The following CFAP97 variants were observed in gnomAD, a reference collection of about 807,000 sequenced individuals.
The protein encoded by CFAP97 is cilia- and flagella-associated protein 97.
CFAP97 carries 36 observed loss-of-function variants against 43.1 expected under a neutral mutation model. That is an observed-to-expected ratio of 0.84 (90% CI 0.64 to 1.10). The LOEUF (loss-of-function observed/expected upper bound fraction) is 1.10, where lower values mean the gene tolerates loss of function less well. Among genes scored for constraint, CFAP97 ranks in the 50% least tolerant of loss-of-function variants. The pLI is 0.00. For synonymous variants in CFAP97, 228 were observed against 225.7 expected (o/e 1.01, Z -0.09); for missense variants, 657 against 620.3 (o/e 1.06, Z -0.63).
At chr4:185,199,882 T>C (rs1321266713) in intron 1 of CFAP97, among the ~76,000 whole-genome samples, 2 of 152,160 alleles carry the variant, frequency 1.3e-5, no homozygotes, top group Admixed American at 6.5e-5. Flanking sequence ...GGTCACCCAA[T>C]AGCTCTAATG....
chr4:185,201,548 C>T (rs146438323), intron 1 of CFAP97, among the ~76,000 whole-genome samples: 344 of 152,268 alleles, frequency 2.3e-3, no homozygotes, highest in African/African-American at 8.0e-3. Flanking sequence ...AAAAAAATTA[C>T]AACTCCCTGA....
intron 2 of CFAP97, among the ~76,000 whole-genome samples, chr4:185,184,464 T>A (rs1018778346): frequency 3.3e-5 from 5 of 152,156 alleles, no homozygotes; most frequent in African/African-American, 1.2e-4. Context: ...CTTTAAGAAG[T>A]TTCCTCCATT....
In CFAP97 at chr4:185,190,889, A is replaced by T; in HGVS notation, c.308T>A (p.Leu103Ter). The T allele has an allele frequency of 6.2e-7, 1 of 1,613,278 alleles. No homozygotes were observed. Among genetic ancestry groups the T allele is most frequent in the South Asian group, 1.1e-5 (1 of 90,954 alleles). ...TTTAAGTCCTGTTGTAACATCACAC[A>T]ATTTTTTTGATCTTGAAGAGGCTGG... ...SLPASSRSKKLCDVTTGLKIH... is the reference protein window; with the variant it reads ...SLPASSRSKK The change falls in exon 2 of 5, where the codon TTG (leucine) becomes TAG (stop). Residue 103 changes from leucine (L) to a stop codon, truncating the protein, a stop_gained. Coordinates refer to ENST00000458385, the MANE Select transcript of CFAP97 (RefSeq NM_020827.3). LOFTEE classifies it high-confidence loss of function.
chr4:185,203,290 G>C (rs78195030), intron 1 of CFAP97, among the ~76,000 whole-genome samples: 4,576 of 152,344 alleles, frequency 0.03, 103 homozygotes, highest in Middle Eastern at 0.071. Flanking sequence ...AGGTCCTACA[G>C]ACCAGCAATA....
In CFAP97 at chr4:185,160,946, T is replaced by G. The variant is rs1202752174; in HGVS notation, c.*1852A>C. ...ATATATATAAAACATATATATATAT[T>G]TTTTTCTGGAACAACTTAAAAATCA... On this transcript the variant is annotated 3_prime_UTR_variant, in exon 5 of 5. Coordinates refer to ENST00000458385, the MANE Select transcript of CFAP97 (RefSeq NM_020827.3). The G allele has an allele frequency of 6.7e-6, 1 of 148,196 alleles. No individual in the cohort carries two copies. Among genetic ancestry groups the G allele is most frequent in the Admixed American group, 6.7e-5 (1 of 14,832 alleles). The allele number at this position is 148,196 out of a possible 1,614,324, so 9.2% of individuals were successfully genotyped here. A position where few individuals can be genotyped will look rare whatever the true frequency, so the allele number is the denominator to read the frequency against.
chr4:185,194,620 T>C (rs752226405), intron 1 of CFAP97, among the ~76,000 whole-genome samples: 1 of 152,212 alleles, frequency 6.6e-6, no homozygotes, highest in Admixed American at 6.5e-5. Flanking sequence ...CTCCAACTCC[T>C]GGGCTCAAGT....
At chr4:185,204,865 A>G (rs1338013015), upstream of CFAP97, among the ~76,000 whole-genome samples, 1 of 152,210 alleles carries the variant, frequency 6.6e-6, no homozygotes, top group Non-Finnish European at 1.5e-5. Flanking sequence ...TCAGGAAGGA[A>G]CTAGAGCCTG....
At chr4:185,173,121 T>TG (rs1735370870) in intron 3 of CFAP97, among the ~76,000 whole-genome samples, 2 of 151,968 alleles carry the variant, frequency 1.3e-5, no homozygotes, top group Non-Finnish European at 2.9e-5. Context: ...CCCAGCACTT[T>TG]GGGAGGCAGA....
chr4:185,202,193 T>C (rs1484316594), intron 1 of CFAP97, among the ~76,000 whole-genome samples: 4 of 152,162 alleles, frequency 2.6e-5, no homozygotes, highest in East Asian at 1.9e-4. Flanking sequence ...AGATTTAAGA[T>C]TGAGCCATGC....
At chr4:185,201,062 G>A (rs1168648940) in intron 1 of CFAP97, among the ~76,000 whole-genome samples, 4 of 152,142 alleles carry the variant, frequency 2.6e-5, no homozygotes, top group South Asian at 2.1e-4. Flanking sequence ...TGTGGCTCAC[G>A]CCTGTAATCC....
In CFAP97 at chr4:185,175,831, A is replaced by C. The variant is rs1735497482; in HGVS notation, c.1275T>G (p.Ala425=). Residue 425 remains alanine, a synonymous_variant, in exon 3 of 5, where the codon GCT becomes GCG. Coordinates refer to ENST00000458385, the MANE Select transcript of CFAP97 (RefSeq NM_020827.3). ...TTTGTTGTTCCTTCTGTCTGTTGAG[A>C]GCACTGTGATATAACTTTGGGGGAT... ...ADHPPKLYHS[A]LNRQKEQQRI... is the part of the protein sequence containing the mutation. 5 of 1,613,892 alleles carry C rather than the reference A, an allele frequency of 3.1e-6. No individual in the cohort carries two copies. Among genetic ancestry groups the C allele is most frequent in the Non-Finnish European group, 4.2e-6 (5 of 1,179,840 alleles).
Position 185,164,283 on chromosome 4 carries a change from TTAA to T in CFAP97, c.1321-107_1321-105del. The T allele has an allele frequency of 2.1e-5, 25 of 1,189,444 alleles. No homozygotes were observed. In the South Asian group the frequency reaches 3.5e-4, roughly 17 times the overall value. The allele number at this position is 1,189,444 out of a possible 1,614,324, so 73.7% of individuals were successfully genotyped here. A position where few individuals can be genotyped will look rare whatever the true frequency, so the allele number is the denominator to read the frequency against. ...ACATTCACTTTCTTTCTTTTTTTTT[TTAA>T]GAGACAAGATCTTACTCTGTCACTC... On this transcript the variant is annotated intron_variant, in intron 3 of 4. Transcript: ENST00000458385.
chr4:185,160,861 T>C lies in CFAP97; in HGVS notation c.*1937A>G, dbSNP rs371123345. The C allele has an allele frequency of 1.3e-4, 19 of 146,990 alleles. No homozygotes were observed. Among genetic ancestry groups the C allele is most frequent in the Non-Finnish European group, 2.4e-4 (16 of 66,572 alleles). 9.1% of individuals were successfully genotyped at this position (146,990 alleles called of 1,614,324 possible). A position where few individuals can be genotyped will look rare whatever the true frequency, so the allele number is the denominator to read the frequency against. On this transcript the variant is annotated 3_prime_UTR_variant, in exon 5 of 5. Coordinates refer to ENST00000458385, the MANE Select transcript of CFAP97 (RefSeq NM_020827.3). The stretch of plus-strand genomic sequence containing the variant: ...ATCTTTATATATATATAAAAATCTT[T>C]TTTAAAAGATTTTTAAAATAAAATT...
intron 2 of CFAP97, among the ~76,000 whole-genome samples, chr4:185,180,769 G>A (rs1448993304): frequency 6.6e-6 from 1 of 151,914 alleles, no homozygotes; most frequent in South Asian, 2.1e-4. Context: ...GATTGACTAA[G>A]TTAAAAACTT....
At chr4:185,209,919 C>T (rs1737468394), upstream of CFAP97, 15 of 983,242 alleles carry the variant, frequency 1.5e-5, no homozygotes, top group Non-Finnish European at 1.8e-5. This position sits in a 1 kb window ranked among gnomAD's most constrained non-coding sequence, Gnocchi z 5.2. Flanking sequence ...GCTTCAGGGG[C>T]GAGCGGCGGC....
At chr4:185,176,864 C>A (rs970459355) in intron 2 of CFAP97, among the ~76,000 whole-genome samples, 1 of 152,154 alleles carries the variant, frequency 6.6e-6, no homozygotes, top group Admixed American at 6.5e-5. Context: ...AGAAAAGATG[C>A]TGGATTTATA....
At chr4:185,169,838 A>G in intron 3 of CFAP97, 1 of 985,588 alleles carries the variant, frequency 1.0e-6, no homozygotes, top group Non-Finnish European at 1.2e-6. Context: ...CTGAGTTATC[A>G]TTAGCTTGCT....
intron 2 of CFAP97, among the ~76,000 whole-genome samples, chr4:185,179,119 T>C (rs568299614): frequency 6.6e-6 from 1 of 151,818 alleles, no homozygotes; most frequent in South Asian, 2.1e-4. Flanking sequence ...TCCCAGGAGA[T>C]TCTCAAAGTA....
chr4:185,184,337 G>A (rs1735921830), intron 2 of CFAP97, among the ~76,000 whole-genome samples: 1 of 152,174 alleles, frequency 6.6e-6, no homozygotes, highest in African/African-American at 2.4e-5. Context: ...TGACTTCCAG[G>A]GTGAGCCTGC....
Sources: gnomAD v4.1 joint callset for allele counts (sites outside exome capture counted in the v4.1 genomes callset) on GRCh38, gnomAD v4.1.1 for gene constraint, Gnocchi (gnomAD v3.1) non-coding constraint, MANE v1.5 for transcripts, NCBI Gene and HGNC (gene_info 2026-07-23, HGNC 2026-07-21) for gene names.